Variants in MPZL1 observed in about 807,000 individuals in gnomAD.
MPZL1 encodes myelin protein zero like 1.
MPZL1 carries 16 observed loss-of-function variants against 29.3 expected under a neutral mutation model. That is an observed-to-expected ratio of 0.55 (90% CI 0.37 to 0.83). The LOEUF is 0.83. Ranked by LOEUF, MPZL1 falls within the 40% of genes least tolerant of loss-of-function variation. The probability of loss-of-function intolerance (pLI) is 0.00; values close to 1 mark genes in which losing one functional copy is unlikely to be tolerated. For synonymous variants in MPZL1, 143 were observed against 132.0 expected, an observed-to-expected ratio of 1.08 and a Z score of -0.57; for missense variants, 279 against 332.9, an observed-to-expected ratio of 0.84 and a Z score of 1.26.
chr1:167,728,112 T>C (rs556696079), intron 1 of MPZL1, among the ~76,000 whole-genome samples: 1 of 147,956 alleles, frequency 6.8e-6, no homozygotes, highest in Admixed American at 6.7e-5. Flanking sequence ...CCATCTCGGC[T>C]CATTGCAGCC....
intron 5 of MPZL1, among the ~76,000 whole-genome samples, chr1:167,785,950 G>A (rs1480814802): frequency 2.0e-5 from 3 of 152,048 alleles, no homozygotes; most frequent in Non-Finnish European, 4.4e-5. Flanking sequence ...CCACCACCAT[G>A]CCCGGCGAAT....
intron 2 of MPZL1, among the ~76,000 whole-genome samples, chr1:167,767,862 T>C (rs1420582786): frequency 7.0e-6 from 1 of 142,508 alleles, no homozygotes; most frequent in African/African-American, 2.6e-5. Context: ...TCATTTTGTT[T>C]TGTTTTGTTT....
Position 167,772,368 on chromosome 1 carries a change from G to A in MPZL1, c.352G>A (p.Ala118Thr), listed in dbSNP as rs1416975919. The A allele has an allele frequency of 6.2e-6, 10 of 1,613,788 alleles. No homozygotes were observed. The highest frequency in any genetic ancestry group is 8.5e-6 in the Non-Finnish European group (10 of 1,179,726). Reference protein sequence around the residue: ...SWAGDLDKKDASINIENMQFI... With the variant: ...SWAGDLDKKDTSINIENMQFI... ...GGCTGGAGACCTTGACAAGAAAGAT[G>A]CATCAATCAACATAGAAAATATGCA... Residue 118 changes from alanine to threonine, a missense_variant, in exon 3 of 6, where the codon GCA (alanine) becomes ACA (threonine). Transcript: ENST00000359523.
rs547184574 is a variant in MPZL1 at position 167,759,256 on chromosome 1, A to G, written c.92-6327A>G. ...AGAACAATAGTTTCTGTATATCTCA[A>G]TGGTCTTTACATTTGCATTTTTAGC... On this transcript the variant is annotated intron_variant, in intron 1 of 5. Coordinates refer to ENST00000359523, the MANE Select transcript of MPZL1 (RefSeq NM_003953.6). 2.3e-3 allele frequency among the ~76,000 whole-genome samples: 354 copies of G among 152,320 alleles called. 3 individuals carry two copies. Among genetic ancestry groups the G allele is most frequent in the African/African-American group, 8.2e-3 (342 of 41,570 alleles).
At chr1:167,735,045 A>C (rs1050040785) in intron 1 of MPZL1, among the ~76,000 whole-genome samples, 2 of 152,210 alleles carry the variant, frequency 1.3e-5, no homozygotes, top group Non-Finnish European at 2.9e-5. Context: ...TTTCAGCTCT[A>C]TGGCTAACAG....
At chr1:167,769,795 G>A (rs941675144) in intron 2 of MPZL1, among the ~76,000 whole-genome samples, 7 of 152,152 alleles carry the variant, frequency 4.6e-5, no homozygotes, top group Non-Finnish European at 8.8e-5. Context: ...TGATGAGTTA[G>A]ACATACCAGT....
intron 1 of MPZL1, among the ~76,000 whole-genome samples, chr1:167,730,776 C>T (rs1025628515): frequency 1.1e-4 from 17 of 152,154 alleles, no homozygotes; most frequent in Non-Finnish European, 5.9e-5. Context: ...TGTGCAGGTC[C>T]TTTTGCCATT....
chr1:167,747,932 C>G (rs1305630489), intron 1 of MPZL1, among the ~76,000 whole-genome samples: 1 of 152,202 alleles, frequency 6.6e-6, no homozygotes, highest in Non-Finnish European at 1.5e-5. Flanking sequence ...CTAGCAACTA[C>G]TAATCTACTT....
chr1:167,776,026 A>AT (rs766920072), intron 4 of MPZL1, 38 bp from the exon 5 acceptor site: 3 of 1,353,284 alleles, frequency 2.2e-6, no homozygotes, highest in Non-Finnish European at 3.0e-6. Context: ...TATTATTATT[A>AT]TTTTTTACAT....
chr1:167,777,436 C>T (rs1661394444), intron 5 of MPZL1, among the ~76,000 whole-genome samples: 1 of 152,174 alleles, frequency 6.6e-6, no homozygotes, highest in South Asian at 2.1e-4. Flanking sequence ...TGCCTTGAAG[C>T]AGTTTCCACA....
Position 167,725,064 on chromosome 1 carries a change from G to A in MPZL1, c.91+2822G>A, listed in dbSNP as rs140158289. On this transcript the variant is annotated intron_variant, in intron 1 of 5. Coordinates refer to ENST00000359523, the MANE Select transcript of MPZL1 (RefSeq NM_003953.6). ...TATGAGGACTAAATCTCAGTAATTT[G>A]TACCATCCATGTCAGTAAATGGAAC... Among the ~76,000 whole-genome samples the A allele has an allele frequency of 2.0e-5, 3 of 152,294 alleles. No individual in the cohort carries two copies. The East Asian group carries it at 5.8e-4, about 29-fold the overall frequency.
intron 1 of MPZL1, among the ~76,000 whole-genome samples, chr1:167,730,218 AC>A (rs1420113089): frequency 6.6e-6 from 1 of 152,100 alleles, no homozygotes; most frequent in East Asian, 1.9e-4. Context: ...TGTTTGTGCC[AC>A]CCAATACTCT....
chr1:167,734,570 T>A (rs919182454), intron 1 of MPZL1, among the ~76,000 whole-genome samples: 4 of 152,212 alleles, frequency 2.6e-5, no homozygotes, highest in Non-Finnish European at 4.4e-5. Flanking sequence ...GATTTCTGTT[T>A]ATATAAATTA....
intron 2 of MPZL1, among the ~76,000 whole-genome samples, chr1:167,767,119 A>C (rs74120662): frequency 0.05 from 7,670 of 152,252 alleles, 641 homozygotes; most frequent in African/African-American, 0.17. Context: ...TCCCCTATGG[A>C]GAATGCATAG....
chr1:167,767,014 T>G (rs2101783992), intron 2 of MPZL1, among the ~76,000 whole-genome samples: 1 of 152,234 alleles, frequency 6.6e-6, no homozygotes, highest in Non-Finnish European at 1.5e-5. Context: ...TTTAATATTG[T>G]AGATATCCTC....
intron 4 of MPZL1, among the ~76,000 whole-genome samples, chr1:167,775,756 A>G (rs181108740): frequency 6.6e-6 from 1 of 152,356 alleles, no homozygotes; most frequent in East Asian, 1.9e-4. Flanking sequence ...ACAAACAGCA[A>G]AAGGATAAAT....
At chr1:167,772,129 G>A (rs1661265436) in intron 2 of MPZL1, 146 bp from the exon 3 acceptor site, 1 of 688,410 alleles carries the variant, frequency 1.5e-6, no homozygotes, top group Non-Finnish European at 2.5e-6. Context: ...AAAAGGAGGA[G>A]AGAGAGGGGG....
intron 1 of MPZL1, among the ~76,000 whole-genome samples, chr1:167,741,220 C>A (rs555908206): frequency 7.7e-6 from 1 of 129,876 alleles, no homozygotes; most frequent in African/African-American, 2.9e-5. Flanking sequence ...GGGGGTTTCG[C>A]TATGTTGTCC....
At chr1:167,727,153 A>G (rs530690708) in intron 1 of MPZL1, among the ~76,000 whole-genome samples, 14 of 152,350 alleles carry the variant, frequency 9.2e-5, no homozygotes, top group Non-Finnish European at 1.8e-4. Context: ...CTGAGTTTTA[A>G]AAACATGATT....
Sources: allele counts gnomAD v4.1 joint callset (sites outside exome capture counted in the v4.1 genomes callset), GRCh38; gene constraint gnomAD v4.1.1; transcripts MANE v1.5; gene names NCBI Gene and HGNC (gene_info 2026-07-23, HGNC 2026-07-21).